MARCHF1: variants seen among roughly 807,000 people sequenced by gnomAD.
MARCHF1 encodes the protein membrane associated ring-CH-type finger 1, also known as E3 ubiquitin-protein ligase MARCHF1.
MARCHF1 carries 40 observed loss-of-function variants against 54.2 expected under a neutral mutation model. That is an observed-to-expected ratio of 0.74 (90% confidence interval 0.57 to 0.96). The LOEUF is 0.96. MARCHF1 is among the 40% of genes least tolerant of loss of function. The pLI, the probability that MARCHF1 is intolerant of heterozygous loss-of-function variation, is 0.00. For missense variants in MARCHF1, 586 were observed against 656.5 expected (o/e 0.89, Z 1.17); for synonymous variants, 236 against 236.3 (o/e 1.00, Z 0.01).
Position 164,365,759 on chromosome 4 carries a change from T to C in MARCHF1, c.-323+18111A>G, listed in dbSNP as rs766752446. Among the ~76,000 whole-genome samples the C allele has an allele frequency of 8.0e-4, 122 of 152,042 alleles. 2 individuals carry two copies. Among genetic ancestry groups the C allele is most frequent in the Admixed American group, 2.8e-3 (42 of 15,248 alleles). Reference sequence around the variant, plus strand: ...TTGAACTCCTGTTTGTTGATTTCAGTTGGTGCATCAAATCATCACATTTTG... The same window carrying C: ...TTGAACTCCTGTTTGTTGATTTCAGCTGGTGCATCAAATCATCACATTTTG... On this transcript the variant is annotated intron_variant, in intron 1 of 9. Transcript: ENST00000514618.
At chr4:163,918,213 T>A (rs1751351710) in intron 3 of MARCHF1, among the ~76,000 whole-genome samples, 1 of 152,146 alleles carries the variant, frequency 6.6e-6, no homozygotes, top group Non-Finnish European at 1.5e-5. Flanking sequence ...AGATATGTGA[T>A]CTTATTTCCG....
intron 4 of MARCHF1, among the ~76,000 whole-genome samples, chr4:163,751,601 G>T (rs879839102): frequency 4.1e-4 from 60 of 144,958 alleles, no homozygotes; most frequent in Admixed American, 8.9e-4. Context: ...TATAATATAT[G>T]ACCTAGAAAA....
At chr4:163,635,010 C>G (rs1245436280) in intron 5 of MARCHF1, among the ~76,000 whole-genome samples, 1 of 83,002 alleles carries the variant, frequency 1.2e-5, no homozygotes, top group Non-Finnish European at 2.2e-5. Context: ...GGGTACATAA[C>G]GAAATGAAGG....
At chr4:163,630,970 T>C (rs538891369) in intron 5 of MARCHF1, among the ~76,000 whole-genome samples, 1 of 152,268 alleles carries the variant, frequency 6.6e-6, no homozygotes, top group South Asian at 2.1e-4. Flanking sequence ...TTTTTGTCCA[T>C]ACATGTTGTA....
intron 2 of MARCHF1, among the ~76,000 whole-genome samples, chr4:164,106,951 A>T (rs536037700): frequency 1.3e-5 from 2 of 152,256 alleles, no homozygotes; most frequent in African/African-American, 4.8e-5. Context: ...AAACAACCAT[A>T]TGCAGAAGAT....
Position 164,044,447 on chromosome 4 carries a change from C to T in MARCHF1, c.-247-55738G>A, listed in dbSNP as rs1754197359. 2.0e-5 allele frequency among the ~76,000 whole-genome samples: 3 copies of T among 152,222 alleles called. No individual in the cohort carries two copies. In the South Asian group the frequency reaches 6.2e-4, roughly 32 times the overall value. On this transcript the variant is annotated intron_variant, in intron 2 of 9. Coordinates refer to ENST00000514618, the MANE Select transcript of MARCHF1 (RefSeq NM_001394959.1). ...TTTAAACAACCATATCTTGTGAGAA[C>T]TCACCCACTATCATGAGATCAAGGG...
rs1460764314 is a variant in MARCHF1, at chr4:163,527,737, T to G, written c.*1011A>C. The G allele has an allele frequency of 1.3e-5, 2 of 149,962 alleles. No homozygotes were observed. The highest frequency in any genetic ancestry group is 4.8e-5 in the African/African-American group (2 of 41,336). 9.3% of individuals were successfully genotyped at this position (149,962 alleles called of 1,614,324 possible). On this transcript the variant is annotated 3_prime_UTR_variant, in exon 10 of 10. Transcript: ENST00000514618. Reference sequence around the variant, plus strand: ...CTAATTTTACGGCTGTGCTATCCAATATAGTTAATTCAAGTTGAAGTGTAC... The same window carrying G: ...CTAATTTTACGGCTGTGCTATCCAAGATAGTTAATTCAAGTTGAAGTGTAC...
intron 3 of MARCHF1, among the ~76,000 whole-genome samples, chr4:163,900,077 C>G (rs770749628): frequency 1.3e-5 from 2 of 152,048 alleles, no homozygotes; most frequent in East Asian, 3.9e-4. Flanking sequence ...CTTTTTATTT[C>G]TATCCATTGC....
chr4:163,930,998 A>G (rs891046003), intron 3 of MARCHF1, among the ~76,000 whole-genome samples: 5 of 152,252 alleles, frequency 3.3e-5, no homozygotes, highest in East Asian at 1.9e-4. Flanking sequence ...TGGGGACTTT[A>G]GGAGGTAACA....
chr4:163,837,771 C>T (rs959152867), intron 4 of MARCHF1, among the ~76,000 whole-genome samples: 4 of 151,968 alleles, frequency 2.6e-5, no homozygotes, highest in African/African-American at 4.8e-5. Flanking sequence ...AATCAATAAG[C>T]GCACATGATA....
At chr4:163,833,899 GAGAACAGAGTGA>G (rs1392518843) in intron 4 of MARCHF1, among the ~76,000 whole-genome samples, 2 of 152,106 alleles carry the variant, frequency 1.3e-5, no homozygotes, top group East Asian at 3.9e-4. Flanking sequence ...TAGAAGAAAG[GAGAACAGAGTGA>G]ACTACGATTT....
At chr4:164,209,156 A>G (rs553515245) in intron 1 of MARCHF1, among the ~76,000 whole-genome samples, 1 of 152,240 alleles carries the variant, frequency 6.6e-6, no homozygotes, top group Admixed American at 6.5e-5. Context: ...AATGCTCTTG[A>G]CACATAAAGA....
intron 3 of MARCHF1, among the ~76,000 whole-genome samples, chr4:163,949,504 G>C (rs1231317854): frequency 6.6e-6 from 1 of 152,244 alleles, no homozygotes; most frequent in Admixed American, 6.5e-5. Flanking sequence ...GCTCGTTTGT[G>C]TTACAGCACT....
chr4:164,009,986 A>C (rs1753382553), intron 2 of MARCHF1, among the ~76,000 whole-genome samples: 1 of 152,096 alleles, frequency 6.6e-6, no homozygotes, highest in Non-Finnish European at 1.5e-5. Flanking sequence ...TGAATTAGAA[A>C]AAAAGAAGTC....
chr4:164,105,301 T>C, intron 2 of MARCHF1, among the ~76,000 whole-genome samples: 1 of 115,238 alleles, frequency 8.7e-6, no homozygotes, highest in African/African-American at 3.2e-5. Flanking sequence ...AGAGCCTGCA[T>C]TGCCAAGTCA....
intron 1 of MARCHF1, among the ~76,000 whole-genome samples, chr4:164,214,618 T>G (rs753463988): frequency 6.6e-6 from 1 of 152,216 alleles, no homozygotes; most frequent in Non-Finnish European, 1.5e-5. Flanking sequence ...TTCTGATCTT[T>G]AGAATCTTTG....
intron 4 of MARCHF1, among the ~76,000 whole-genome samples, chr4:163,836,480 C>A (rs933094862): frequency 9.0e-6 from 1 of 110,936 alleles, no homozygotes; most frequent in Non-Finnish European, 1.9e-5. Context: ...CTCCTGACCT[C>A]GTGATCCGCC....
intron 4 of MARCHF1, among the ~76,000 whole-genome samples, chr4:163,722,821 G>A (rs184987074): frequency 4.5e-4 from 68 of 152,264 alleles, no homozygotes; most frequent in African/African-American, 1.6e-3. Context: ...TTTAAAGTAT[G>A]TTTTATCAGA....
chr4:163,881,418 C>T (rs919639690), intron 3 of MARCHF1, among the ~76,000 whole-genome samples: 5 of 152,002 alleles, frequency 3.3e-5, no homozygotes, highest in African/African-American at 9.7e-5. Context: ...TTGCAGTGAG[C>T]CAAAATAGCA....
Sources: gnomAD v4.1 joint callset for allele counts (sites outside exome capture counted in the v4.1 genomes callset) on GRCh38, gnomAD v4.1.1 for gene constraint, MANE v1.5 for transcripts, NCBI Gene and HGNC (gene_info 2026-07-23, HGNC 2026-07-21) for gene names.